Variants in DLGAP2 observed in about 807,000 individuals in gnomAD.
DLGAP2 encodes the protein DLG associated protein 2.
In DLGAP2, 26 loss-of-function variants were observed where a neutral mutation model predicts 100.3. The observed-to-expected ratio is 0.26, with a 90% CI of 0.19 to 0.36. The LOEUF (loss-of-function observed/expected upper bound fraction) is 0.36, where lower values mean the gene tolerates loss of function less well. Ranked by LOEUF, DLGAP2 falls within the 10% of genes least tolerant of loss-of-function variation. The pLI, the probability that DLGAP2 is intolerant of heterozygous loss-of-function variation, is 1.00. For missense variants in DLGAP2, 1,858 were observed against 1,453.2 expected (o/e 1.28, Z -4.53); for synonymous variants, 886 against 630.1 (o/e 1.41, Z -6.08).
intron 2 of DLGAP2, among the ~76,000 whole-genome samples, chr8:949,925 G>A (rs546438191): frequency 3.3e-5 from 5 of 152,208 alleles, no homozygotes; most frequent in Non-Finnish European, 2.9e-5. Context: ...ACAGGAAATG[G>A]GAGTCGTGGA....
intron 3 of DLGAP2, among the ~76,000 whole-genome samples, chr8:1,470,212 A>T (rs1378218716): frequency 1.3e-5 from 2 of 151,998 alleles, no homozygotes; most frequent in Non-Finnish European, 2.9e-5. Context: ...ATGCCAGACC[A>T]TGGATGCTTC....
At chr8:1,368,474 G>A (rs1802162226) in intron 3 of DLGAP2, among the ~76,000 whole-genome samples, 1 of 152,128 alleles carries the variant, frequency 6.6e-6, no homozygotes, top group Non-Finnish European at 1.5e-5. Flanking sequence ...CCCCTATGCT[G>A]TGCTCTGAAA....
rs566152184 is a variant in DLGAP2, at chr8:1,212,802, T to C, written c.74-46049T>C. Among the ~76,000 whole-genome samples the C allele has an allele frequency of 4.0e-5, 5 of 125,630 alleles. 1 individual carries two copies. The East Asian group carries it at 1.3e-3, about 33-fold the overall frequency. The allele number at this position is 125,630 out of a possible 152,430, so 82.4% of individuals were successfully genotyped here. A position where few individuals can be genotyped will look rare whatever the true frequency, so the allele number is the denominator to read the frequency against. ...CCCATGATTAGCATTTTAATTGGATTAATGTTCTTAAATTCATGTTTCTGA... is the reference window on the plus strand; with the variant it reads ...CCCATGATTAGCATTTTAATTGGATCAATGTTCTTAAATTCATGTTTCTGA... On this transcript the variant is annotated intron_variant, in intron 2 of 14. Coordinates refer to ENST00000637795, the MANE Select transcript of DLGAP2 (RefSeq NM_001346810.2).
chr8:971,741 G>A (rs762096138), intron 2 of DLGAP2, among the ~76,000 whole-genome samples: 30 of 152,146 alleles, frequency 2.0e-4, no homozygotes, highest in Non-Finnish European at 3.8e-4. Context: ...AGCAAGGCCT[G>A]CCCTCAATAG....
chr8:1,225,296 AAACCTT>A (rs1798391998), intron 2 of DLGAP2, among the ~76,000 whole-genome samples: 1 of 152,236 alleles, frequency 6.6e-6, no homozygotes, highest in Non-Finnish European at 1.5e-5. Flanking sequence ...AGGACCTCAG[AAACCTT>A]ATGCTCAGTG....
At chr8:1,583,971 G>A (rs2130648336) in intron 6 of DLGAP2, among the ~76,000 whole-genome samples, 1 of 152,034 alleles carries the variant, frequency 6.6e-6, no homozygotes. Context: ...AGCTCTGATT[G>A]CCTCCTCTGG....
Position 1,494,399 on chromosome 8 carries a change from C to T in DLGAP2, c.107-6967C>T, listed in dbSNP as rs138492095. On this transcript the variant is annotated intron_variant, in intron 3 of 14. Transcript: ENST00000637795. ...GCATTTCCTCCTCTTTCTTCCCAAA[C>T]CTTGCAGTTGGCATTCACGGGGCAG... Among the ~76,000 whole-genome samples, 347 of 152,296 alleles carry T rather than the reference C, an allele frequency of 2.3e-3. 1 individual carries two copies. The highest frequency in any genetic ancestry group is 7.8e-3 in the African/African-American group (323 of 41,572).
chr8:1,682,692 G>C (rs147938981), intron 12 of DLGAP2, among the ~76,000 whole-genome samples: 1 of 151,314 alleles, frequency 6.6e-6, no homozygotes, highest in South Asian at 2.1e-4. Context: ...CAGGATAATC[G>C]TGAACTCCTG....
At chr8:1,282,953 G>A (rs1298951800) in intron 3 of DLGAP2, among the ~76,000 whole-genome samples, 6 of 114,046 alleles carry the variant, frequency 5.3e-5, no homozygotes, top group Non-Finnish European at 1.0e-4. Flanking sequence ...TGAACCCAGC[G>A]CCCTGAACCA....
intron 2 of DLGAP2, among the ~76,000 whole-genome samples, chr8:1,008,077 A>G (rs1489551644): frequency 6.6e-6 from 1 of 152,226 alleles, no homozygotes; most frequent in Non-Finnish European, 1.5e-5. Flanking sequence ...AATAAGTTTT[A>G]AAGTATTTTC....
At chr8:816,037 G>A (rs184367805) in intron 1 of DLGAP2, among the ~76,000 whole-genome samples, 1 of 152,146 alleles carries the variant, frequency 6.6e-6, no homozygotes, top group African/African-American at 2.4e-5. Flanking sequence ...ACTCCTGCTT[G>A]CTTTTGATGT....
chr8:1,518,027 CT>C (rs1563197540), intron 4 of DLGAP2, among the ~76,000 whole-genome samples: 3 of 152,196 alleles, frequency 2.0e-5, no homozygotes. Context: ...GAAATGACAT[CT>C]GTAGAAAAAT....
chr8:1,332,875 G>T (rs933477863), intron 3 of DLGAP2, among the ~76,000 whole-genome samples: 3 of 152,222 alleles, frequency 2.0e-5, no homozygotes, highest in Non-Finnish European at 4.4e-5. Context: ...GCAGACACGT[G>T]TGTTGAAAGC....
intron 4 of DLGAP2, among the ~76,000 whole-genome samples, chr8:1,536,857 G>C (rs1005234087): frequency 2.0e-5 from 3 of 152,246 alleles, no homozygotes; most frequent in African/African-American, 7.2e-5. Context: ...AGGAGGCGCT[G>C]GCCAGGCCCA....
chr8:1,467,016 G>C (rs1348631211), intron 3 of DLGAP2, among the ~76,000 whole-genome samples: 2 of 152,144 alleles, frequency 1.3e-5, no homozygotes, highest in Admixed American at 1.3e-4. Flanking sequence ...CAAGAAAGTG[G>C]GGGGGATGTG....
At chr8:875,323 G>C (rs1218564146) in intron 1 of DLGAP2, among the ~76,000 whole-genome samples, 2 of 151,974 alleles carry the variant, frequency 1.3e-5, no homozygotes, top group African/African-American at 4.8e-5. Context: ...TGGTTTGACT[G>C]TGTCCCCACC....
chr8:1,608,540 G>C (rs1340522838), intron 6 of DLGAP2, among the ~76,000 whole-genome samples: 1 of 115,698 alleles, frequency 8.6e-6, no homozygotes. Flanking sequence ...GCTGGATGGA[G>C]AATGACTTTG....
At chr8:873,236 A>G (rs1272600107) in intron 1 of DLGAP2, among the ~76,000 whole-genome samples, 1 of 152,188 alleles carries the variant, frequency 6.6e-6, no homozygotes, top group Non-Finnish European at 1.5e-5. Context: ...TTTTTAGTGA[A>G]TGTTTTAGAT....
At chr8:761,740 C>G (rs1258103424) in intron 1 of DLGAP2, among the ~76,000 whole-genome samples, 4 of 152,222 alleles carry the variant, frequency 2.6e-5, no homozygotes, top group African/African-American at 9.6e-5. Flanking sequence ...AGCCAGCTCC[C>G]TCTATCCCTG....
Sources: allele counts gnomAD v4.1 joint callset (sites outside exome capture counted in the v4.1 genomes callset), GRCh38; gene constraint gnomAD v4.1.1; transcripts MANE v1.5; gene names NCBI Gene and HGNC (gene_info 2026-07-23, HGNC 2026-07-21).